The following SEC24D variants were observed in gnomAD, a reference collection of about 807,000 sequenced individuals.
SEC24D encodes the protein protein transport protein Sec24D.
A neutral mutation model predicts 116.9 loss-of-function variants in SEC24D; 69 were observed. The ratio of observed to expected loss-of-function variants is 0.59; its 90% confidence interval spans 0.49 to 0.72. The LOEUF (loss-of-function observed/expected upper bound fraction) is 0.72, where lower values mean the gene tolerates loss of function less well. SEC24D is among the 30% of genes least tolerant of loss of function. SEC24D has a pLI of 0.00. For missense variants in SEC24D, 1,131 were observed against 1,264.1 expected (o/e 0.89, Z 1.60); for synonymous variants, 405 against 442.8 (o/e 0.91, Z 1.07).
chr4:118,778,831 T>TG (rs1472213806), intron 8 of SEC24D, among the ~76,000 whole-genome samples: 7 of 152,314 alleles, frequency 4.6e-5, no homozygotes, highest in Non-Finnish European at 8.8e-5. Context: ...CCTTGTAAGT[T>TG]GGATTCCTAG....
intron 22 of SEC24D, among the ~76,000 whole-genome samples, chr4:118,724,019 A>G (rs1725282873): frequency 6.6e-6 from 1 of 152,214 alleles, no homozygotes; most frequent in Non-Finnish European, 1.5e-5. Flanking sequence ...TGGCATGTAA[A>G]TTATCACAGG....
At chr4:118,825,690 GA>G (rs1042689174) in intron 2 of SEC24D, 6 of 411,998 alleles carry the variant, frequency 1.5e-5, no homozygotes, top group Non-Finnish European at 2.3e-5. Context: ...AAAGAGAAAA[GA>G]AAAAAAGAGA....
chr4:118,777,660 G>A (rs1453430945), intron 8 of SEC24D, among the ~76,000 whole-genome samples: 1 of 152,170 alleles, frequency 6.6e-6, no homozygotes, highest in African/African-American at 2.4e-5. Context: ...GGTATTTCTA[G>A]TTCTAGATCC....
Position 118,752,830 on chromosome 4 carries a change from G to A in SEC24D, c.1480C>T (p.Leu494Phe). 6.2e-7 allele frequency: 1 copy of A among 1,609,386 alleles called. No individual in the cohort carries two copies. Among genetic ancestry groups the A allele is most frequent in the Non-Finnish European group, 8.5e-7 (1 of 1,178,328 alleles). The change falls in exon 12 of 23, where the codon CTC becomes TTC. Residue 494 changes from leucine (L) to phenylalanine (F), a missense_variant. By Grantham distance (22) the Leu-to-Phe change is conservative. Transcript: ENST00000280551. ...TTACTCTTCACATTAAAGAAATGGA[G>A]AACTTTGTTATATGTGATAAAACCC... The part of the protein sequence containing the change: ...RVGFITYNKV[L>F]HFFNVKSNLA...
rs62328111 is a variant in SEC24D at position 118,757,456 on chromosome 4, T to C, written c.1421+265A>G. Among the ~76,000 whole-genome samples the C allele has an allele frequency of 0.049, 7,448 of 152,254 alleles. 227 individuals are homozygous for C. The highest frequency in any genetic ancestry group is 0.24 in the Middle Eastern group (71 of 294). The stretch of plus-strand genomic sequence containing the variant: ...ATCCAAAGTCTTTCCTACCACACTG[T>C]TGGGATTCTTCTTATAATTTATAAT... On this transcript the variant is annotated intron_variant, in intron 11 of 22. Coordinates refer to ENST00000280551, the MANE Select transcript of SEC24D (RefSeq NM_014822.4).
chr4:118,801,901 G>C (rs1290892831), intron 7 of SEC24D, among the ~76,000 whole-genome samples: 1 of 152,194 alleles, frequency 6.6e-6, no homozygotes, highest in African/African-American at 2.4e-5. Flanking sequence ...ACTAAGATTT[G>C]AAACTTTTTG....
intron 2 of SEC24D, among the ~76,000 whole-genome samples, chr4:118,829,134 A>G (rs142582073): frequency 2.0e-5 from 3 of 152,356 alleles, no homozygotes; most frequent in African/African-American, 7.2e-5. Context: ...ATTTCTCACT[A>G]GCTAAGTAAA....
chr4:118,784,672 A>G (rs1034289159), intron 8 of SEC24D, among the ~76,000 whole-genome samples: 9 of 152,124 alleles, frequency 5.9e-5, no homozygotes, highest in African/African-American at 2.2e-4. Context: ...CCCAAACAAC[A>G]AATAATATTT....
At chr4:118,752,939 A>G in intron 11 of SEC24D, 51 bp from the exon 12 acceptor site, 1 of 1,351,422 alleles carries the variant, frequency 7.4e-7, no homozygotes, top group Non-Finnish European at 1.0e-6. Flanking sequence ...TTAGATGAAA[A>G]GGAGGTTTCT....
At chr4:118,742,042 G>A (rs915264156) in intron 15 of SEC24D, among the ~76,000 whole-genome samples, 3 of 151,962 alleles carry the variant, frequency 2.0e-5, no homozygotes, top group Admixed American at 6.6e-5. Context: ...CTTTTCCTCT[G>A]CTGCATTATA....
At chr4:118,791,946 C>T (rs1578439949) in intron 8 of SEC24D, among the ~76,000 whole-genome samples, 1 of 152,058 alleles carries the variant, frequency 6.6e-6, no homozygotes, top group Non-Finnish European at 1.5e-5. Flanking sequence ...CGACCGCCAC[C>T]CCGTCTAGGA....
At chr4:118,817,978 A>G (rs924074545) in intron 3 of SEC24D, among the ~76,000 whole-genome samples, 1 of 152,098 alleles carries the variant, frequency 6.6e-6, no homozygotes, top group Non-Finnish European at 1.5e-5. Context: ...TCAAGACTAC[A>G]GTGAGCTGAG....
intron 4 of SEC24D, chr4:118,816,787 C>A (rs1486551522): frequency 4.4e-6 from 2 of 455,824 alleles, no homozygotes; most frequent in Non-Finnish European, 8.8e-6. Context: ...AGTACTGTGA[C>A]TCTTTCCTCT....
chr4:118,739,281 C>A lies in SEC24D; in HGVS notation c.2245G>T (p.Val749Leu), dbSNP rs146086094. The A allele has an allele frequency of 6.2e-7, 1 of 1,613,022 alleles. No individual in the cohort carries two copies. The highest frequency in any genetic ancestry group is 1.1e-5 in the South Asian group (1 of 90,968). The change falls in exon 18 of 23, where the codon GTG (valine) becomes TTG (leucine). Residue 749 changes from valine (V) to leucine (L), a missense_variant. By Grantham distance (32) the Val-to-Leu change is conservative. Transcript: ENST00000280551. ...EDSGALIQCA[V>L]LYTTISGQRR... is the part of the protein sequence containing the mutation. ...TGACCACTGATTGTCGTGTAAAGCACAGCACACTGTAGAAGCAACATTGAG... is the reference window on the plus strand; with the variant it reads ...TGACCACTGATTGTCGTGTAAAGCAAAGCACACTGTAGAAGCAACATTGAG...
intron 11 of SEC24D, chr4:118,753,883 G>A (rs1351056768): frequency 6.6e-6 from 1 of 152,116 alleles, no homozygotes; most frequent in Admixed American, 6.6e-5. Flanking sequence ...TTTGATTAAA[G>A]GACAACTTTT....
At chr4:118,784,055 C>T (rs1728549297) in intron 8 of SEC24D, among the ~76,000 whole-genome samples, 1 of 152,220 alleles carries the variant, frequency 6.6e-6, no homozygotes, top group African/African-American at 2.4e-5. Flanking sequence ...CAGAAGAAAA[C>T]ACTGGTGACT....
chr4:118,736,173 T>C (rs891286696), intron 19 of SEC24D: 1 of 151,832 alleles, frequency 6.6e-6, no homozygotes, highest in Admixed American at 6.6e-5. Context: ...GCCCAGCTGT[T>C]TTTGTATTTT....
intron 11 of SEC24D, among the ~76,000 whole-genome samples, chr4:118,756,246 A>G (rs541796460): frequency 5.3e-5 from 8 of 152,270 alleles, no homozygotes; most frequent in African/African-American, 1.9e-4. Context: ...CAGAAAATCC[A>G]TACTTCTCAA....
intron 10 of SEC24D, 69 bp from the exon 11 acceptor site, chr4:118,757,914 A>T: frequency 7.7e-7 from 1 of 1,291,184 alleles, no homozygotes; most frequent in Admixed American, 2.5e-5. Flanking sequence ...AATACTCATT[A>T]GAAACTCTTG....
Sources: gnomAD v4.1 joint callset for allele counts (sites outside exome capture counted in the v4.1 genomes callset) on GRCh38, gnomAD v4.1.1 for gene constraint, MANE v1.5 for transcripts, NCBI Gene and HGNC (gene_info 2026-07-23, HGNC 2026-07-21) for gene names.